The following GPC6 variants were observed in gnomAD, a reference collection of about 807,000 sequenced individuals.
GPC6 encodes the protein glypican-6.
In GPC6, 14 loss-of-function variants were observed where a neutral mutation model predicts 55.2. The ratio of observed to expected loss-of-function variants is 0.25; its 90% CI spans 0.17 to 0.40. GPC6 has a LOEUF of 0.40. Among genes scored for constraint, GPC6 ranks in the 10% least tolerant of loss-of-function variants. The pLI is 1.00. For synonymous variants in GPC6, 278 were observed against 259.6 expected, an observed-to-expected ratio of 1.07 and a Z score of -0.68; for missense variants, 641 against 708.5, an observed-to-expected ratio of 0.90 and a Z score of 1.08.
chr13:93,427,848 T>G (rs1566351577), intron 1 of GPC6, among the ~76,000 whole-genome samples: 1 of 152,160 alleles, frequency 6.6e-6, no homozygotes, highest in Non-Finnish European at 1.5e-5. Flanking sequence ...CATGTTTGCA[T>G]TCCACATGTA....
chr13:93,694,480 C>T (rs929148286), intron 2 of GPC6, among the ~76,000 whole-genome samples: 33 of 152,122 alleles, frequency 2.2e-4, no homozygotes, highest in Admixed American at 6.5e-5. Context: ...AGAAGGAACA[C>T]AAATTGAAAA....
intron 3 of GPC6, 102 bp from the exon 4 acceptor site, chr13:94,027,627 G>A: frequency 1.0e-6 from 1 of 997,958 alleles, no homozygotes. Flanking sequence ...ATTACAAAGG[G>A]TTAAGATTCT....
chr13:94,370,403 C>G (rs1173054961), intron 6 of GPC6, among the ~76,000 whole-genome samples: 1 of 152,092 alleles, frequency 6.6e-6, no homozygotes, highest in Non-Finnish European at 1.5e-5. Flanking sequence ...TGTCTGTTAC[C>G]CCTACTAGGC....
intron 2 of GPC6, among the ~76,000 whole-genome samples, chr13:93,583,114 G>A (rs1018065506): frequency 2.6e-5 from 4 of 152,220 alleles, no homozygotes; most frequent in Non-Finnish European, 4.4e-5. Context: ...TTAAGAAACT[G>A]ATAGGAGTGT....
intron 2 of GPC6, among the ~76,000 whole-genome samples, chr13:93,792,340 T>G (rs1594461263): frequency 6.6e-6 from 1 of 152,368 alleles, no homozygotes; most frequent in East Asian, 1.9e-4. Context: ...AGATGGAGTT[T>G]TGCTCTGTCG....
At chr13:94,230,939 C>G (rs1890705768) in intron 4 of GPC6, among the ~76,000 whole-genome samples, 1 of 151,936 alleles carries the variant, frequency 6.6e-6, no homozygotes, top group African/African-American at 2.4e-5. Context: ...AGTCTGAAGC[C>G]AGAAAGGGTC....
chr13:94,116,656 G>A (rs1479185628), intron 4 of GPC6, among the ~76,000 whole-genome samples: 2 of 152,024 alleles, frequency 1.3e-5, no homozygotes, highest in East Asian at 1.9e-4. Context: ...CCTTGAATAA[G>A]CAAGTGTTCA....
chr13:94,388,599 C>A (rs902647852), intron 7 of GPC6, among the ~76,000 whole-genome samples: 1 of 152,132 alleles, frequency 6.6e-6, no homozygotes. Context: ...TGTCTTAGCT[C>A]AAAAAATACC....
chr13:94,260,096 A>G (rs1258293068), intron 4 of GPC6, among the ~76,000 whole-genome samples: 1 of 152,190 alleles, frequency 6.6e-6, no homozygotes, highest in African/African-American at 2.4e-5. Flanking sequence ...CCTGTTGCAG[A>G]TGTTTTATAA....
intron 4 of GPC6, among the ~76,000 whole-genome samples, chr13:94,081,925 C>T (rs564927069): frequency 8.6e-5 from 13 of 151,130 alleles, no homozygotes; most frequent in African/African-American, 2.7e-4. Flanking sequence ...ACTACAACCT[C>T]CACCTCCCGG....
At chr13:93,565,953 A>C (rs1288441188) in intron 2 of GPC6, among the ~76,000 whole-genome samples, 2 of 152,044 alleles carry the variant, frequency 1.3e-5, no homozygotes, top group Non-Finnish European at 1.5e-5. Context: ...AAAAGAAAAA[A>C]AAAACACATC....
chr13:93,394,303 G>A (rs1022340519), intron 1 of GPC6, among the ~76,000 whole-genome samples: 1 of 152,100 alleles, frequency 6.6e-6, no homozygotes, highest in Non-Finnish European at 1.5e-5. Flanking sequence ...ATAGAAAGTG[G>A]CCCAGCCTTA....
chr13:94,239,372 ACACATGTG>A (rs1890982375), intron 4 of GPC6, among the ~76,000 whole-genome samples: 1 of 152,144 alleles, frequency 6.6e-6, no homozygotes, highest in Non-Finnish European at 1.5e-5. Flanking sequence ...CTCTACTCCC[ACACATGTG>A]GTTAAATAAT....
intron 1 of GPC6, among the ~76,000 whole-genome samples, chr13:93,439,916 A>G (rs930502724): frequency 6.6e-6 from 1 of 152,162 alleles, no homozygotes; most frequent in Non-Finnish European, 1.5e-5. Flanking sequence ...ATCCTCTGTC[A>G]TATGACAATG....
intron 4 of GPC6, among the ~76,000 whole-genome samples, chr13:94,101,312 G>T (rs1019400422): frequency 2.0e-5 from 3 of 152,098 alleles, no homozygotes; most frequent in African/African-American, 7.3e-5. Context: ...GTACTGAATT[G>T]TTCCATGTTA....
At chr13:93,343,305 C>CT (rs1880322989) in intron 1 of GPC6, among the ~76,000 whole-genome samples, 1 of 152,136 alleles carries the variant, frequency 6.6e-6, no homozygotes, top group South Asian at 2.1e-4. Context: ...TTTGGATTGG[C>CT]TGAGTCCCAT....
intron 2 of GPC6, among the ~76,000 whole-genome samples, chr13:93,554,779 T>C (rs746968665): frequency 6.6e-6 from 1 of 152,128 alleles, no homozygotes; most frequent in Non-Finnish European, 1.5e-5. Flanking sequence ...AACCCAAATG[T>C]GAAGGAAGAA....
chr13:93,296,595 C>T (rs563032323), intron 1 of GPC6, among the ~76,000 whole-genome samples: 7 of 152,230 alleles, frequency 4.6e-5, no homozygotes, highest in Non-Finnish European at 1.0e-4. Context: ...GACTGCCTTT[C>T]CCACCTTCCC....
chr13:93,483,756 A>C (rs7996583), intron 1 of GPC6, among the ~76,000 whole-genome samples: 37,892 of 152,072 alleles, frequency 0.25, 5,079 homozygotes, highest in East Asian at 0.37. Flanking sequence ...TGGTAGAAAC[A>C]GTGTTTCTAA....
Sources: gnomAD v4.1 joint callset for allele counts (sites outside exome capture counted in the v4.1 genomes callset) on GRCh38, gnomAD v4.1.1 for gene constraint, MANE v1.5 for transcripts, NCBI Gene and HGNC (gene_info 2026-07-23, HGNC 2026-07-21) for gene names.